The following LUC7L2 variants were observed in gnomAD, a reference collection of about 807,000 sequenced individuals.
LUC7L2 encodes the protein LUC7 like 2, pre-mRNA splicing factor.
In LUC7L2, 25 loss-of-function variants were observed where a neutral mutation model predicts 52.8. The observed-to-expected ratio is 0.47, with a 90% CI of 0.34 to 0.66. The LOEUF is 0.66. Among genes scored for constraint, LUC7L2 ranks in the 30% least tolerant of loss-of-function variants. The pLI, the probability that LUC7L2 is intolerant of heterozygous loss-of-function variation, is 0.01. For missense variants in LUC7L2, 328 were observed against 497.8 expected (o/e 0.66, Z 3.25); for synonymous variants, 144 against 160.9 (o/e 0.89, Z 0.80).
chr7:139,412,853 A>T (rs956081968), intron 8 of LUC7L2: 7 of 207,670 alleles, frequency 3.4e-5, no homozygotes, highest in East Asian at 3.0e-4. Context: ...AAAAAAGAAA[A>T]TTTTTTTTGA....
At chr7:139,367,909 G>C (rs1214154931) in intron 1 of LUC7L2, among the ~76,000 whole-genome samples, 2 of 152,240 alleles carry the variant, frequency 1.3e-5, no homozygotes, top group African/African-American at 2.4e-5. Context: ...TGTGGGAAAA[G>C]CTGCTTATCA....
chr7:139,363,326 A>G (rs1799976899), intron 1 of LUC7L2: 6 of 784,160 alleles, frequency 7.7e-6, no homozygotes, highest in Non-Finnish European at 9.3e-6. Context: ...TCATACCCAT[A>G]TAACTGGGGG....
chr7:139,388,441 T>G (rs968416041), intron 2 of LUC7L2, among the ~76,000 whole-genome samples: 2 of 152,070 alleles, frequency 1.3e-5, no homozygotes, highest in Non-Finnish European at 2.9e-5. Context: ...GCGTTATGTA[T>G]GCACAATGTG....
At position 139,422,357 on chromosome 7, in the gene LUC7L2, C is replaced by G; in HGVS notation, c.*17C>G. 6.3e-7 allele frequency: 1 copy of G among 1,598,964 alleles called. No homozygotes were observed. Among genetic ancestry groups the G allele is most frequent in the Non-Finnish European group, 8.5e-7 (1 of 1,174,098 alleles). On this transcript the variant is annotated 3_prime_UTR_variant, in exon 10 of 10. Transcript: ENST00000354926. Reference sequence around the variant, plus strand: ...GAGATCTAACTAGCTGTGTACATTTCTTCAGTCCTTAAGCTTCCTACGGAG... The same window carrying G: ...GAGATCTAACTAGCTGTGTACATTTGTTCAGTCCTTAAGCTTCCTACGGAG...
chr7:139,380,667 G>A (rs536389213), intron 2 of LUC7L2, among the ~76,000 whole-genome samples: 2 of 152,174 alleles, frequency 1.3e-5, no homozygotes, highest in South Asian at 2.1e-4. Context: ...TCATATTGTA[G>A]TCTCTCTCTT....
Position 139,345,486 on chromosome 7 carries a change from T to A in LUC7L2, c.-26+4969T>A, listed in dbSNP as rs763749084. 3 of 1,613,974 alleles carry A rather than the reference T, an allele frequency of 1.9e-6. No homozygotes were observed. In the African/African-American group the frequency reaches 4.0e-5, roughly 22 times the overall value. ...TCTAGCTGGGTTAAGAATTTCTGAC[T>A]TGCTGCTTCTCTAGGTCACCAGTGA... On this transcript the variant is annotated intron_variant, in intron 1 of 10. Coordinates refer to the LUC7L2 transcript ENST00000541170.
At chr7:139,419,584 C>G (rs1476354990) in intron 9 of LUC7L2, among the ~76,000 whole-genome samples, 1 of 152,208 alleles carries the variant, frequency 6.6e-6, no homozygotes, top group African/African-American at 2.4e-5. Context: ...TTTCCTGTGT[C>G]AAATCTGCCC....
intron 2 of LUC7L2, among the ~76,000 whole-genome samples, chr7:139,390,436 C>G (rs1794396229): frequency 6.6e-6 from 1 of 151,862 alleles, no homozygotes; most frequent in Admixed American, 6.6e-5. Context: ...GCCATATTGG[C>G]CAGGCTGGTC....
rs777075669 is a variant in LUC7L2 at position 139,422,203 on chromosome 7, T to C, written c.1042T>C (p.Cys348Arg). 1.9e-6 allele frequency: 3 copies of C among 1,613,866 alleles called. No individual in the cohort carries two copies. Among genetic ancestry groups the C allele is most frequent in the Non-Finnish European group, 2.5e-6 (3 of 1,179,926 alleles). ...ATTCAGAGACCAAGACTTAGCATCA[T>C]GTGACAGAGACAGGAGTTCAAGAGA... The part of the protein sequence containing the change: ...ERFRDQDLAS[C>R]DRDRSSRDRS... Residue 348 changes from cysteine to arginine, a missense_variant, in exon 10 of 10, where the codon TGT (cysteine) becomes CGT (arginine). This residue lies in a region of LUC7L2 where 195 missense variants were observed against 223.3 expected (regional missense o/e 0.87). Transcript: ENST00000354926.
intron 1 of LUC7L2, chr7:139,375,266 C>T (rs1416186222): frequency 1.0e-6 from 1 of 984,874 alleles, no homozygotes. Context: ...AGGTTGGATG[C>T]TTCTGTTGCT....
chr7:139,373,785 A>G (rs1800575137), intron 1 of LUC7L2, among the ~76,000 whole-genome samples: 1 of 152,220 alleles, frequency 6.6e-6, no homozygotes, highest in African/African-American at 2.4e-5. Flanking sequence ...CTCCATGAAT[A>G]CTGATTTTAT....
At chr7:139,341,260 T>C (rs1798939020) in intron 1 of LUC7L2, 1 of 1,456,368 alleles carries the variant, frequency 6.9e-7, no homozygotes, top group African/African-American at 1.4e-5. Context: ...GCGGTTCCAC[T>C]GCTCGTCAGT....
At chr7:139,397,353 A>G (rs1794705469) in intron 2 of LUC7L2, among the ~76,000 whole-genome samples, 1 of 152,212 alleles carries the variant, frequency 6.6e-6, no homozygotes, top group Admixed American at 6.5e-5. Context: ...ATAATGGGGA[A>G]CATTGCTATT....
intron 1 of LUC7L2, among the ~76,000 whole-genome samples, chr7:139,350,843 A>G (rs1294483878): frequency 7.3e-5 from 11 of 151,500 alleles, no homozygotes; most frequent in Admixed American, 7.2e-4. Context: ...CGCCTGGCTA[A>G]TTTTGTATTT....
chr7:139,344,374 ACATCCT>A (rs1799156136), intron 1 of LUC7L2, among the ~76,000 whole-genome samples: 1 of 152,208 alleles, frequency 6.6e-6, no homozygotes, highest in Non-Finnish European at 1.5e-5. Context: ...TAACCTATGC[ACATCCT>A]CCTGTATACT....
At chr7:139,359,362 C>T (rs1312545641), upstream of LUC7L2, 7 of 157,012 alleles carry the variant, frequency 4.5e-5, no homozygotes, top group Non-Finnish European at 8.4e-5. Context: ...TGACACTTCC[C>T]AGCCGAGGAG....
At chr7:139,360,381 G>A in intron 1 of LUC7L2, 59 bp downstream of exon 1, 1 of 1,502,614 alleles carries the variant, frequency 6.7e-7, no homozygotes, top group Non-Finnish European at 9.0e-7. Flanking sequence ...GAAGGGAAGG[G>A]GTTCCGAGGG....
chr7:139,408,612 G>C (rs546405214), intron 6 of LUC7L2, among the ~76,000 whole-genome samples: 4 of 152,312 alleles, frequency 2.6e-5, no homozygotes, highest in African/African-American at 9.6e-5. Flanking sequence ...GGGAGGCCAA[G>C]GCGGGCGGAT....
At chr7:139,385,076 G>C (rs1794134193) in intron 2 of LUC7L2, among the ~76,000 whole-genome samples, 1 of 152,060 alleles carries the variant, frequency 6.6e-6, no homozygotes, top group African/African-American at 2.4e-5. Context: ...TCTAGTTGAG[G>C]GTTGTCAGCA....
Sources: gnomAD v4.1 joint callset for allele counts (sites outside exome capture counted in the v4.1 genomes callset) on GRCh38, gnomAD v4.1.1 for gene constraint, gnomAD v4.1.1 regional missense constraint, MANE v1.5 for transcripts, NCBI Gene and HGNC (gene_info 2026-07-23, HGNC 2026-07-21) for gene names.